Variants in HIVEP2 observed in about 807,000 individuals in gnomAD.
HIVEP2 encodes the protein transcription factor HIVEP2.
Under a neutral mutation model 180.7 loss-of-function variants are expected in HIVEP2, and 14 were observed. That is an observed-to-expected ratio of 0.08 (90% CI 0.05 to 0.12). The LOEUF (loss-of-function observed/expected upper bound fraction) is 0.12. HIVEP2 is among the 10% of genes least tolerant of loss of function. The pLI is 1.00. For missense variants in HIVEP2, 2,579 were observed against 3,008.5 expected (o/e 0.86, Z 3.34); for synonymous variants, 1,184 against 1,136.4 (o/e 1.04, Z -0.84).
At chr6:142,919,484 T>C (rs181038404) in intron 1 of HIVEP2, among the ~76,000 whole-genome samples, 1 of 152,338 alleles carries the variant, frequency 6.6e-6, no homozygotes, top group Admixed American at 6.5e-5. Flanking sequence ...ATGTCTTCTA[T>C]GCAAATCTAG....
At chr6:142,865,165 T>A (rs1183776099) in intron 1 of HIVEP2, among the ~76,000 whole-genome samples, 5 of 152,212 alleles carry the variant, frequency 3.3e-5, no homozygotes, top group African/African-American at 7.2e-5. Context: ...AAATCTCTTC[T>A]GAATGATTCC....
At position 142,771,880 on chromosome 6, in the gene HIVEP2, C is replaced by G. The variant is rs1775555180; in HGVS notation, c.2859G>C (p.Glu953Asp). The G allele has an allele frequency of 1.2e-6, 2 of 1,614,236 alleles. No individual in the cohort carries two copies. The highest frequency in any genetic ancestry group is 1.1e-5 in the South Asian group (1 of 91,088). ...CTGTGCCTGTGGATTCAAAGCTGGA[C>G]TCCCCTGAGGAGTGCTCCATATCTG... ...RLADMEHSSG[E>D]SSFESTGTGL... Residue 953 changes from glutamate to aspartate, a missense_variant, in exon 5 of 10, where the codon GAG becomes GAC. Glu to Asp is a conservative substitution (Grantham distance 45). Coordinates refer to ENST00000367603, the MANE Select transcript of HIVEP2 (RefSeq NM_006734.4). This position sits in a 1 kb window ranked among gnomAD's most constrained non-coding sequence, Gnocchi z 5.4.
intron 1 of HIVEP2, among the ~76,000 whole-genome samples, chr6:142,858,301 C>T (rs1775879522): frequency 6.6e-6 from 1 of 152,036 alleles, no homozygotes; most frequent in Non-Finnish European, 1.5e-5. Flanking sequence ...TTCACTCTGG[C>T]CCCTCTGCAA....
intron 2 of HIVEP2, chr6:142,788,290 TAA>T (rs1776053690): frequency 7.2e-6 from 1 of 139,212 alleles, no homozygotes; most frequent in Non-Finnish European, 1.5e-5. Flanking sequence ...ACATGTACCC[TAA>T]AACTTAAAGT....
At chr6:142,800,975 C>T (rs1209718692) in intron 2 of HIVEP2, among the ~76,000 whole-genome samples, 1 of 151,920 alleles carries the variant, frequency 6.6e-6, no homozygotes, top group Non-Finnish European at 1.5e-5. Context: ...CTGGCAGAAA[C>T]CTCTACATTT....
chr6:142,941,209 G>A (rs1008775668), intron 1 of HIVEP2, among the ~76,000 whole-genome samples: 27 of 152,188 alleles, frequency 1.8e-4, no homozygotes, highest in Admixed American at 6.5e-4. Context: ...CGATATTCAC[G>A]GTCCATCTCA....
At chr6:142,851,950 C>T (rs750433840) in intron 1 of HIVEP2, among the ~76,000 whole-genome samples, 24 of 152,300 alleles carry the variant, frequency 1.6e-4, no homozygotes, top group Non-Finnish European at 3.1e-4. Flanking sequence ...AAGGTCATTG[C>T]TTTAAATTTG....
At chr6:142,802,588 A>G (rs998824091) in intron 2 of HIVEP2, among the ~76,000 whole-genome samples, 6 of 152,192 alleles carry the variant, frequency 3.9e-5, no homozygotes, top group Non-Finnish European at 8.8e-5. Context: ...ACTTAATTTC[A>G]CAAATCACTG....
intron 1 of HIVEP2, among the ~76,000 whole-genome samples, chr6:142,917,183 A>C (rs1472713105): frequency 1.3e-5 from 2 of 152,254 alleles, no homozygotes; most frequent in African/African-American, 4.8e-5. Context: ...CAAGTAAATA[A>C]AATTTTACTA....
chr6:142,926,829 C>T (rs1321421012), intron 1 of HIVEP2, among the ~76,000 whole-genome samples: 1 of 152,046 alleles, frequency 6.6e-6, no homozygotes, highest in East Asian at 1.9e-4. Flanking sequence ...TGGGCCGGCC[C>T]TGCGGCGGCC....
chr6:142,813,577 T>G (rs1776751268), intron 2 of HIVEP2, among the ~76,000 whole-genome samples: 1 of 150,630 alleles, frequency 6.6e-6, no homozygotes, highest in Non-Finnish European at 1.5e-5. Context: ...TTCAGAGTTT[T>G]TTTTTTTTTT....
chr6:142,937,177 C>G (rs1216115499), intron 1 of HIVEP2, among the ~76,000 whole-genome samples: 3 of 152,156 alleles, frequency 2.0e-5, no homozygotes, highest in Non-Finnish European at 4.4e-5. Flanking sequence ...AGAAACACCC[C>G]AGATTTTAAT....
rs1194150613 is a variant in HIVEP2 at position 142,914,174 on chromosome 6, G to A, written c.-641+30925C>T. On this transcript the variant is annotated intron_variant, in intron 1 of 9. Transcript: ENST00000367603. ...GGTGCCCCCATTTTCTCACATGTCAGCCACAGTTATCATGTGCCATCAAAT... is the reference window on the plus strand; with the variant it reads ...GGTGCCCCCATTTTCTCACATGTCAACCACAGTTATCATGTGCCATCAAAT... Among the ~76,000 whole-genome samples, 4 of 152,266 alleles carry A rather than the reference G, an allele frequency of 2.6e-5. No homozygotes were observed. The East Asian group carries it at 7.7e-4, about 29-fold the overall frequency.
intron 2 of HIVEP2, among the ~76,000 whole-genome samples, chr6:142,801,502 A>C (rs896427031): frequency 6.6e-6 from 1 of 151,960 alleles, no homozygotes; most frequent in African/African-American, 2.4e-5. Context: ...GATCACTGAG[A>C]TAGTGATTGC....
At chr6:142,834,702 C>T (rs1194299902) in intron 2 of HIVEP2, among the ~76,000 whole-genome samples, 3 of 151,804 alleles carry the variant, frequency 2.0e-5, no homozygotes, top group African/African-American at 7.3e-5. Context: ...CAAAAAGTAC[C>T]ATAAAAGGAA....
At chr6:142,888,985 T>C (rs1475879742) in intron 1 of HIVEP2, among the ~76,000 whole-genome samples, 1 of 152,240 alleles carries the variant, frequency 6.6e-6, no homozygotes, top group East Asian at 1.9e-4. Context: ...AGTTGTATCA[T>C]ACAAAGTCTT....
At chr6:142,788,741 AAAAC>A (rs1266464646) in intron 2 of HIVEP2, among the ~76,000 whole-genome samples, 3 of 143,836 alleles carry the variant, frequency 2.1e-5, no homozygotes, top group Admixed American at 2.1e-4. Context: ...ACAAACAAAC[AAAAC>A]AAACAAACAA....
intron 1 of HIVEP2, among the ~76,000 whole-genome samples, chr6:142,842,898 C>T (rs1011371412): frequency 6.6e-6 from 1 of 152,052 alleles, no homozygotes; most frequent in Non-Finnish European, 1.5e-5. Context: ...TCAGACAGAG[C>T]CCCCTGGCCA....
intron 2 of HIVEP2, among the ~76,000 whole-genome samples, chr6:142,830,360 C>T (rs1775045888): frequency 6.6e-6 from 1 of 152,092 alleles, no homozygotes; most frequent in African/African-American, 2.4e-5. Context: ...CGTGAGATGG[C>T]AATGATCACC....
Sources: gnomAD v4.1 joint callset for allele counts (sites outside exome capture counted in the v4.1 genomes callset) on GRCh38, gnomAD v4.1.1 for gene constraint, Gnocchi (gnomAD v3.1) non-coding constraint, MANE v1.5 for transcripts, NCBI Gene and HGNC (gene_info 2026-07-23, HGNC 2026-07-21) for gene names.